HACD2: variants seen among roughly 807,000 people sequenced by gnomAD.
HACD2 encodes very-long-chain (3R)-3-hydroxyacyl-CoA dehydratase 2.
HACD2 carries 15 observed loss-of-function variants against 31.0 expected under a neutral mutation model. The ratio of observed to expected loss-of-function variants is 0.48; its 90% CI spans 0.32 to 0.75. The LOEUF (loss-of-function observed/expected upper bound fraction) is 0.75, where lower values mean the gene tolerates loss of function less well. Ranked by LOEUF, HACD2 falls within the 30% of genes least tolerant of loss-of-function variation. The probability of loss-of-function intolerance (pLI) is 0.03; values close to 1 mark genes in which losing one functional copy is unlikely to be tolerated. For synonymous variants in HACD2, 115 were observed against 122.2 expected, an observed-to-expected ratio of 0.94 and a Z score of 0.39; for missense variants, 283 against 313.0, an observed-to-expected ratio of 0.90 and a Z score of 0.72.
intron 2 of HACD2, among the ~76,000 whole-genome samples, chr3:123,572,431 C>CTGCAATGAGCAAAGGCTG (rs1161229288): frequency 6.6e-6 from 1 of 152,084 alleles, no homozygotes; most frequent in Non-Finnish European, 1.5e-5. Context: ...TCACTTGAGC[C>CTGCAATGAGCAAAGGCTG]CAAGAGGTTG....
intron 3 of HACD2, among the ~76,000 whole-genome samples, chr3:123,567,360 A>G (rs2056802890): frequency 6.6e-6 from 1 of 152,202 alleles, no homozygotes; most frequent in African/African-American, 2.4e-5. Flanking sequence ...TTCACCTGGG[A>G]GGTAGGCAAT....
At chr3:123,509,710 A>G (rs544028290) in intron 4 of HACD2, among the ~76,000 whole-genome samples, 1 of 152,148 alleles carries the variant, frequency 6.6e-6, no homozygotes, top group East Asian at 2.0e-4. Context: ...CGTGTTAGCC[A>G]GGATGGTCTC....
chr3:123,552,424 T>C (rs565800612), intron 3 of HACD2, among the ~76,000 whole-genome samples: 26 of 152,278 alleles, frequency 1.7e-4, no homozygotes, highest in African/African-American at 5.8e-4. Context: ...CAAAAAGCCA[T>C]CCACTAAAGA....
intron 2 of HACD2, among the ~76,000 whole-genome samples, chr3:123,577,888 T>C (rs1462311331): frequency 6.6e-6 from 1 of 152,154 alleles, no homozygotes; most frequent in Non-Finnish European, 1.5e-5. Flanking sequence ...TGACATATAA[T>C]TCACATGCCA....
chr3:123,575,919 T>C (rs982520101), intron 2 of HACD2, among the ~76,000 whole-genome samples: 3 of 152,226 alleles, frequency 2.0e-5, no homozygotes, highest in African/African-American at 7.2e-5. Context: ...TCAGCAAAGT[T>C]TTCTATAACT....
At chr3:123,572,827 A>G (rs1180153105) in intron 2 of HACD2, among the ~76,000 whole-genome samples, 1 of 152,160 alleles carries the variant, frequency 6.6e-6, no homozygotes, top group Non-Finnish European at 1.5e-5. Flanking sequence ...GCTGCAGCCC[A>G]TGGACTTAAT....
chr3:123,568,109 T>C (rs1024493955), intron 2 of HACD2, among the ~76,000 whole-genome samples: 4 of 152,174 alleles, frequency 2.6e-5, no homozygotes, highest in African/African-American at 9.7e-5. Flanking sequence ...GTGTACAGCA[T>C]CTCCATGTCC....
intron 6 of HACD2, 39 bp downstream of exon 6, chr3:123,500,476 T>G (rs756079348): frequency 7.1e-7 from 1 of 1,405,242 alleles, no homozygotes; most frequent in South Asian, 1.4e-5. Flanking sequence ...GAGCCAAATT[T>G]TAAAACATAA....
intron 3 of HACD2, among the ~76,000 whole-genome samples, chr3:123,559,345 G>A (rs376444485): frequency 7.6e-4 from 115 of 152,198 alleles, no homozygotes; most frequent in Middle Eastern, 3.4e-3. Context: ...TTTATCTAGA[G>A]GGAAAAAGGT....
chr3:123,501,870 C>G (rs2055906251), intron 5 of HACD2, among the ~76,000 whole-genome samples: 1 of 152,118 alleles, frequency 6.6e-6, no homozygotes, highest in Non-Finnish European at 1.5e-5. Flanking sequence ...AACTCATAAA[C>G]ACTCTAGGAA....
intron 2 of HACD2, among the ~76,000 whole-genome samples, chr3:123,568,333 A>G (rs2056814403): frequency 6.6e-6 from 1 of 152,098 alleles, no homozygotes; most frequent in Non-Finnish European, 1.5e-5. Flanking sequence ...CCTACATCCC[A>G]AGCTGCCTCT....
At chr3:123,524,520 C>T (rs1344300273) in intron 4 of HACD2, among the ~76,000 whole-genome samples, 1 of 152,142 alleles carries the variant, frequency 6.6e-6, no homozygotes, top group African/African-American at 2.4e-5. Flanking sequence ...GATGATTTAG[C>T]AGGAGAATCA....
intron 2 of HACD2, among the ~76,000 whole-genome samples, chr3:123,572,760 CA>C (rs2056869121): frequency 6.6e-6 from 1 of 152,090 alleles, no homozygotes; most frequent in Non-Finnish European, 1.5e-5. Context: ...AACAAAGCCC[CA>C]AAAAGTTTAA....
At chr3:123,572,481 C>G (rs2056865181) in intron 2 of HACD2, among the ~76,000 whole-genome samples, 1 of 152,176 alleles carries the variant, frequency 6.6e-6, no homozygotes, top group Admixed American at 6.5e-5. Context: ...GCACTCCATC[C>G]TGGGCAACAG....
At chr3:123,562,334 G>A (rs929806055) in intron 3 of HACD2, among the ~76,000 whole-genome samples, 1 of 152,142 alleles carries the variant, frequency 6.6e-6, no homozygotes, top group Non-Finnish European at 1.5e-5. Flanking sequence ...GTTTCTGGAG[G>A]CCGTATTTGC....
intron 2 of HACD2, among the ~76,000 whole-genome samples, chr3:123,581,819 C>T (rs2056969203): frequency 6.6e-6 from 1 of 152,182 alleles, no homozygotes; most frequent in Admixed American, 6.5e-5. Context: ...CGCCTCTAGA[C>T]AGGCTCTCTA....
chr3:123,493,021 T>C lies in HACD2; in HGVS notation c.*1867A>G, dbSNP rs912966879. The C allele has an allele frequency of 1.1e-4, 16 of 152,246 alleles. No individual in the cohort carries two copies. The highest frequency in any genetic ancestry group is 3.1e-4 in the African/African-American group (13 of 41,468). The allele number at this position is 152,246 out of a possible 1,614,324, so 9.4% of individuals were successfully genotyped here. ...TAATTTATTACACACCTGCCTGCAT[T>C]AAATTTTCAAACTTCTATAAAAATA... is the stretch of plus-strand genomic sequence containing the variant. On this transcript the variant is annotated 3_prime_UTR_variant, in exon 7 of 7. Coordinates refer to ENST00000383657, the MANE Select transcript of HACD2 (RefSeq NM_198402.5).
chr3:123,580,526 G>A (rs1236144360), intron 2 of HACD2, among the ~76,000 whole-genome samples: 1 of 152,040 alleles, frequency 6.6e-6, no homozygotes, highest in East Asian at 1.9e-4. Flanking sequence ...GTTCACGCCT[G>A]TAATCTCAGT....
At chr3:123,560,959 C>T (rs745445642) in intron 3 of HACD2, among the ~76,000 whole-genome samples, 3 of 152,168 alleles carry the variant, frequency 2.0e-5, no homozygotes, top group Non-Finnish European at 2.9e-5. Context: ...GCTCTCCTTC[C>T]AGAGTTCTCT....
Sources: allele counts gnomAD v4.1 joint callset (sites outside exome capture counted in the v4.1 genomes callset), GRCh38; gene constraint gnomAD v4.1.1; transcripts MANE v1.5; gene names NCBI Gene and HGNC (gene_info 2026-07-23, HGNC 2026-07-21).